B4GALT4: variants seen among roughly 807,000 people sequenced by gnomAD.
B4GALT4 encodes N-acetyllactosamine synthase.
B4GALT4 carries 27 observed loss-of-function variants against 37.3 expected under a neutral mutation model. The ratio of observed to expected loss-of-function variants is 0.72; its 90% CI spans 0.53 to 1.00. The LOEUF is 1.00. B4GALT4 is among the 50% of genes least tolerant of loss of function. The pLI, the probability that B4GALT4 is intolerant of heterozygous loss-of-function variation, is 0.00. For synonymous variants in B4GALT4, 148 were observed against 154.1 expected, an observed-to-expected ratio of 0.96 and a Z score of 0.29; for missense variants, 372 against 413.1, an observed-to-expected ratio of 0.90 and a Z score of 0.86.
intron 2 of B4GALT4, chr3:119,235,102 A>G (rs2078945878): frequency 6.6e-6 from 1 of 152,250 alleles, no homozygotes; most frequent in African/African-American, 2.4e-5. Context: ...ATGAAACAAG[A>G]CGGATAAAAT....
At chr3:119,215,725 T>C (rs949954616) in intron 7 of B4GALT4, 1 of 152,012 alleles carries the variant, frequency 6.6e-6, no homozygotes, top group African/African-American at 2.4e-5. Context: ...CAAATAAATA[T>C]CAAGGAACAC....
chr3:119,215,588 T>G (rs1205300147), intron 7 of B4GALT4: 1 of 152,238 alleles, frequency 6.6e-6, no homozygotes, highest in African/African-American at 2.4e-5. Context: ...TAGAGAACCC[T>G]GACTAATACA....
chr3:119,229,869 G>A lies in B4GALT4; in HGVS notation c.231C>T (p.Cys77=), dbSNP rs4422294. The A allele has an allele frequency of 0.28, 446,846 of 1,613,622 alleles. 64,432 individuals are homozygous for A. The highest frequency in any genetic ancestry group is 0.35 in the Middle Eastern group (2,097 of 6,060). Residue 77 remains cysteine, a synonymous_variant, in exon 3 of 8, where the codon TGC becomes TGT. Transcript: ENST00000393765. The part of the protein sequence containing the change: ...ASTKKVELDN[C]PSVSPYLRGQ... ...TACTGAGGTAAGGAGACACAGAAGGGCAGTTGTCAAGTTCTACCTTCTTCG... is the reference window on the plus strand; with the variant it reads ...TACTGAGGTAAGGAGACACAGAAGGACAGTTGTCAAGTTCTACCTTCTTCG...
chr3:119,212,519 T>C lies in B4GALT4; in HGVS notation c.*30A>G. On this transcript the variant is annotated 3_prime_UTR_variant, in exon 8 of 8. Coordinates refer to ENST00000393765, the MANE Select transcript of B4GALT4 (RefSeq NM_003778.4). ...AAAATTATTGCAAACAAAGAATCAG[T>C]TCTTCCAAACATCACCAAAAGACCC... The C allele has an allele frequency of 1.3e-6, 2 of 1,556,264 alleles. No homozygotes were observed.
At chr3:119,235,228 C>G (rs1364780875) in intron 2 of B4GALT4, 1 of 152,150 alleles carries the variant, frequency 6.6e-6, no homozygotes, top group Non-Finnish European at 1.5e-5. Flanking sequence ...GGAAGATAAG[C>G]TATAACAAAA....
At chr3:119,231,986 G>A (rs1314168605) in intron 2 of B4GALT4, among the ~76,000 whole-genome samples, 1 of 151,556 alleles carries the variant, frequency 6.6e-6, no homozygotes, top group Non-Finnish European at 1.5e-5. Context: ...TGAATAGAGA[G>A]GCAGTAAGTA....
chr3:119,227,907 A>G (rs901525447), intron 3 of B4GALT4, among the ~76,000 whole-genome samples: 1 of 152,154 alleles, frequency 6.6e-6, no homozygotes, highest in East Asian at 1.9e-4. Context: ...GACCAGGCTC[A>G]CGTGTCTAAT....
chr3:119,236,080 A>T (rs1029878542), intron 2 of B4GALT4: 1 of 152,224 alleles, frequency 6.6e-6, no homozygotes, highest in African/African-American at 2.4e-5. Context: ...GTCTCAAAGT[A>T]TCTTCCCCAA....
intron 2 of B4GALT4, among the ~76,000 whole-genome samples, chr3:119,231,739 T>A (rs2078823946): frequency 1.4e-5 from 2 of 146,430 alleles, no homozygotes; most frequent in South Asian, 2.1e-4. Context: ...TTTATTTTTA[T>A]AAAATTTATT....
At chr3:119,224,267 C>T (rs2078533788) in intron 4 of B4GALT4, 22 bp from the exon 5 acceptor site, 3 of 1,552,342 alleles carry the variant, frequency 1.9e-6, no homozygotes, top group African/African-American at 1.4e-5. Context: ...AAAATTAAAA[C>T]TTGAAAAGCT....
At chr3:119,235,953 G>A (rs919373759) in intron 2 of B4GALT4, among the ~76,000 whole-genome samples, 5 of 152,124 alleles carry the variant, frequency 3.3e-5, no homozygotes, top group African/African-American at 1.2e-4. Flanking sequence ...CAACTAGTAA[G>A]AAAGTGAGCG....
intron 3 of B4GALT4, 96 bp downstream of exon 3, chr3:119,229,751 T>TG: frequency 4.0e-6 from 5 of 1,258,576 alleles, no homozygotes; most frequent in Non-Finnish European, 5.5e-6. Flanking sequence ...TATATATTTA[T>TG]GGGGTACATG....
At chr3:119,235,638 C>G (rs563046304) in intron 2 of B4GALT4, among the ~76,000 whole-genome samples, 1 of 152,262 alleles carries the variant, frequency 6.6e-6, no homozygotes, top group East Asian at 1.9e-4. Context: ...ATTCATTATC[C>G]CAATTACAAC....
At chr3:119,231,479 G>A (rs2078813502) in intron 2 of B4GALT4, among the ~76,000 whole-genome samples, 1 of 151,870 alleles carries the variant, frequency 6.6e-6, no homozygotes, top group Admixed American at 6.6e-5. Context: ...CAAATAAAAT[G>A]GAGACCAAAA....
At chr3:119,223,671 G>A (rs958427156) in intron 5 of B4GALT4, among the ~76,000 whole-genome samples, 1 of 148,946 alleles carries the variant, frequency 6.7e-6, no homozygotes, top group Non-Finnish European at 1.5e-5. Flanking sequence ...TCTCAACAGA[G>A]GTCTCACTAA....
At chr3:119,218,623 T>C in intron 6 of B4GALT4, 27 bp downstream of exon 6, 2 of 1,614,042 alleles carry the variant, frequency 1.2e-6, no homozygotes, top group Non-Finnish European at 1.7e-6. Flanking sequence ...CAGAGCCCCG[T>C]GAAGGGGACC....
intron 5 of B4GALT4, among the ~76,000 whole-genome samples, chr3:119,221,849 A>T (rs2078459921): frequency 6.6e-6 from 1 of 152,218 alleles, no homozygotes; most frequent in African/African-American, 2.4e-5. Flanking sequence ...TACTCAACAA[A>T]GGCTTTCTGA....
intron 5 of B4GALT4, among the ~76,000 whole-genome samples, chr3:119,223,445 G>C (rs780417602): frequency 3.9e-5 from 6 of 152,194 alleles, no homozygotes; most frequent in Admixed American, 6.5e-5. Context: ...AGGAGCTGGT[G>C]AATCAAATAA....
chr3:119,220,291 C>G (rs1446823441), intron 5 of B4GALT4, among the ~76,000 whole-genome samples: 2 of 152,246 alleles, frequency 1.3e-5, no homozygotes, highest in African/African-American at 2.4e-5. Context: ...GGATTCTTAG[C>G]TGCCTGAACA....
Sources: gnomAD v4.1 joint callset for allele counts (sites outside exome capture counted in the v4.1 genomes callset) on GRCh38, gnomAD v4.1.1 for gene constraint, MANE v1.5 for transcripts, NCBI Gene and HGNC (gene_info 2026-07-23, HGNC 2026-07-21) for gene names.